The following MLIP variants were observed in gnomAD, a reference collection of about 807,000 sequenced individuals.
MLIP encodes the protein muscular LMNA-interacting protein.
In MLIP, 79 loss-of-function variants were observed where a neutral mutation model predicts 84.8. That is an observed-to-expected ratio of 0.93 (90% CI 0.78 to 1.12). The LOEUF is 1.12. Among genes scored for constraint, MLIP ranks in the 50% most tolerant of loss-of-function variants. The probability of loss-of-function intolerance (pLI) is 0.00; values close to 1 mark genes in which losing one functional copy is unlikely to be tolerated. For missense variants in MLIP, 1,257 were observed against 1,160.6 expected (o/e 1.08, Z -1.21); for synonymous variants, 504 against 463.0 (o/e 1.09, Z -1.14).
In MLIP at chr6:54,068,040, TTTCCTTCCTTCCTTCC is replaced by T. The variant is rs556958452; in HGVS notation, c.63+48981_63+48996del. 4.8e-4 allele frequency among the ~76,000 whole-genome samples: 11 copies of T among 22,906 alleles called. 1 individual carries two copies. The highest frequency in any genetic ancestry group is 9.0e-4 in the Admixed American group (2 of 2,218). The allele number at this position is 22,906 out of a possible 152,430, so 15.0% of individuals were successfully genotyped here. On this transcript the variant is annotated intron_variant, in intron 1 of 12. Transcript: ENST00000274897. ...CCTTCCTTCCTTCCTTCCTTTTTTC[TTTCCTTCCTTCCTTCC>T]TTCCTTCCTTCCTTCCTTCCTTCCT... is the stretch of plus-strand genomic sequence containing the variant.
At chr6:54,110,275 G>A (rs890341715), upstream of MLIP, among the ~76,000 whole-genome samples, 10 of 151,898 alleles carry the variant, frequency 6.6e-5, no homozygotes, top group Non-Finnish European at 1.5e-4. Context: ...GAGCCACGGC[G>A]CCTGGCCAGT....
chr6:54,254,396 A>T (rs1000850795), intron 12 of MLIP, among the ~76,000 whole-genome samples: 2 of 151,992 alleles, frequency 1.3e-5, no homozygotes, highest in African/African-American at 4.8e-5. Flanking sequence ...AAGTGCTGGG[A>T]TTACAGGTGT....
intron 9 of MLIP, among the ~76,000 whole-genome samples, chr6:54,177,784 A>G (rs1298874): frequency 0.97 from 147,601 of 152,254 alleles, 71,713 homozygotes; most frequent in East Asian, 1. Flanking sequence ...GCAAAAAGAT[A>G]GAATCAACCC....
chr6:54,118,396 T>A (rs189297022), intron 1 of MLIP, among the ~76,000 whole-genome samples: 1 of 152,320 alleles, frequency 6.6e-6, no homozygotes, highest in Admixed American at 6.5e-5. Flanking sequence ...CAACTGATGT[T>A]TGATAAAGGT....
At chr6:54,243,834 C>G (rs940850537) in intron 12 of MLIP, among the ~76,000 whole-genome samples, 1 of 152,140 alleles carries the variant, frequency 6.6e-6, no homozygotes. Flanking sequence ...ATTGCTGAGG[C>G]CATCTGACTT....
intron 10 of MLIP, among the ~76,000 whole-genome samples, chr6:54,201,034 A>G (rs1778642704): frequency 6.6e-6 from 1 of 152,256 alleles, no homozygotes; most frequent in African/African-American, 2.4e-5. Context: ...TTAAACAGAA[A>G]GAGCATCACA....
At chr6:54,110,415 T>C (rs900666410), upstream of MLIP, among the ~76,000 whole-genome samples, 2 of 152,208 alleles carry the variant, frequency 1.3e-5, no homozygotes, top group Admixed American at 6.5e-5. Context: ...TCCATAAATA[T>C]GTGTAAAATA....
intron 12 of MLIP, among the ~76,000 whole-genome samples, chr6:54,253,751 G>T (rs751105346): frequency 6.6e-6 from 1 of 152,056 alleles, no homozygotes; most frequent in Non-Finnish European, 1.5e-5. Flanking sequence ...TAGTTTGGTG[G>T]CAGCTGTGAC....
chr6:54,091,688 G>A (rs1203594427), intron 1 of MLIP, among the ~76,000 whole-genome samples: 1 of 152,120 alleles, frequency 6.6e-6, no homozygotes, highest in Non-Finnish European at 1.5e-5. Context: ...TTGATCCTAA[G>A]TGTCTGAGAA....
chr6:54,165,499 C>T (rs771835769), intron 8 of MLIP, among the ~76,000 whole-genome samples: 1 of 151,902 alleles, frequency 6.6e-6, no homozygotes, highest in African/African-American at 2.4e-5. Flanking sequence ...TCAGTTCACC[C>T]CATTGATCTC....
At chr6:54,163,194 CTT>C (rs775289203) in intron 8 of MLIP, among the ~76,000 whole-genome samples, 23 of 151,974 alleles carry the variant, frequency 1.5e-4, no homozygotes, top group Non-Finnish European at 2.4e-4. Flanking sequence ...AAAATAGTGA[CTT>C]TATATTTATA....
chr6:54,248,787 G>C (rs868583861), intron 12 of MLIP, among the ~76,000 whole-genome samples: 6 of 152,024 alleles, frequency 3.9e-5, no homozygotes, highest in Non-Finnish European at 8.8e-5. Context: ...TTTCTTATTA[G>C]TATTCTTAGA....
chr6:54,079,982 G>A (rs898372914), intron 1 of MLIP, among the ~76,000 whole-genome samples: 5 of 152,150 alleles, frequency 3.3e-5, no homozygotes, highest in African/African-American at 1.2e-4. Flanking sequence ...AGCATAGCAC[G>A]GGATGGGAAG....
At chr6:54,128,941 G>A (rs143380889) in intron 3 of MLIP, among the ~76,000 whole-genome samples, 1 of 151,882 alleles carries the variant, frequency 6.6e-6, no homozygotes. Context: ...TTTTTGGAGG[G>A]GGGGCACAAA....
rs749289457 is a variant in MLIP, at chr6:54,149,158, A to G, written c.2289+31A>G. On this transcript the variant is annotated intron_variant, in intron 5 of 13. Coordinates refer to ENST00000502396, the MANE Select transcript of MLIP (RefSeq NM_001281747.2). ...TGTTGGCTCAAAAACAGTGAATTTT[A>G]CATTTTTAATGTGATTTTTAAAATG... 1.0e-5 allele frequency: 16 copies of G among 1,568,918 alleles called. 1 individual carries two copies. In the Admixed American group the frequency reaches 1.6e-4, roughly 15 times the overall value.
intron 11 of MLIP, among the ~76,000 whole-genome samples, chr6:54,219,275 C>T (rs890880683): frequency 1.4e-5 from 2 of 147,330 alleles, no homozygotes; most frequent in African/African-American, 5.0e-5. Flanking sequence ...TGCAGCTGTA[C>T]AAAAATATTT....
At chr6:54,164,395 A>T (rs1774973736) in intron 8 of MLIP, among the ~76,000 whole-genome samples, 1 of 151,930 alleles carries the variant, frequency 6.6e-6, no homozygotes, top group South Asian at 2.1e-4. Flanking sequence ...TTTGGTCAGT[A>T]TCTATTCTTT....
At chr6:54,135,276 T>C (rs1195666640) in intron 3 of MLIP, among the ~76,000 whole-genome samples, 1 of 152,062 alleles carries the variant, frequency 6.6e-6, no homozygotes, top group Non-Finnish European at 1.5e-5. Context: ...GACTTTTAAT[T>C]ATCTCTGATT....
intron 8 of MLIP, among the ~76,000 whole-genome samples, chr6:54,162,369 C>T (rs1409320830): frequency 3.3e-5 from 5 of 151,996 alleles, no homozygotes; most frequent in Non-Finnish European, 7.4e-5. Context: ...GTCCACTGAG[C>T]TAGGGATGAA....
Sources: gnomAD v4.1 joint callset for allele counts (sites outside exome capture counted in the v4.1 genomes callset) on GRCh38, gnomAD v4.1.1 for gene constraint, MANE v1.5 for transcripts, NCBI Gene and HGNC (gene_info 2026-07-23, HGNC 2026-07-21) for gene names.